LAMA2: variants seen among roughly 807,000 people sequenced by gnomAD.
LAMA2 encodes laminin subunit alpha 2, also known as laminin subunit alpha-2.
LAMA2 carries 269 observed loss-of-function variants against 364.8 expected under a neutral mutation model. The ratio of observed to expected loss-of-function variants is 0.74; its 90% CI spans 0.67 to 0.82. The LOEUF is 0.82. LAMA2 is among the 40% of genes least tolerant of loss of function. The pLI, the probability that LAMA2 is intolerant of heterozygous loss-of-function variation, is 0.00. For missense variants in LAMA2, 3,807 were observed against 3,873.2 expected (o/e 0.98, Z 0.45); for synonymous variants, 1,379 against 1,370.6 (o/e 1.01, Z -0.14).
chr6:129,396,261 A>G (rs1238075600), intron 37 of LAMA2, among the ~76,000 whole-genome samples: 1 of 152,228 alleles, frequency 6.6e-6, no homozygotes, highest in Non-Finnish European at 1.5e-5. Flanking sequence ...TCCTGGCCTC[A>G]AAGAATTTAC....
chr6:129,145,896 T>G (rs980101583), intron 5 of LAMA2, among the ~76,000 whole-genome samples: 3 of 151,948 alleles, frequency 2.0e-5, no homozygotes, highest in African/African-American at 7.2e-5. Context: ...TAAGCAAATA[T>G]CTCTATTTGT....
rs775603569 is a variant in LAMA2, at chr6:129,165,631, C to A, written c.1262C>A (p.Ser421Tyr). Reference sequence around the variant, plus strand: ...CCATGTCATTGCGATCCAATTGGTTCCTTAAATGAAGTCTGTGTCAAGGAT... The same window carrying A: ...CCATGTCATTGCGATCCAATTGGTTACTTAAATGAAGTCTGTGTCAAGGAT... Reference protein sequence around the residue: ...CQPCHCDPIGSLNEVCVKDEK... With the variant: ...CQPCHCDPIGYLNEVCVKDEK... The change falls in exon 9 of 65, where the codon TCC becomes TAC. Residue 421 changes from serine (S) to tyrosine (Y), a missense_variant. Ser to Tyr is a moderately radical substitution (Grantham distance 144). Coordinates refer to ENST00000421865, the MANE Select transcript of LAMA2 (RefSeq NM_000426.4). The A allele has an allele frequency of 1.9e-6, 3 of 1,613,286 alleles. No individual in the cohort carries two copies. The highest frequency in any genetic ancestry group is 3.3e-5 in the Admixed American group (2 of 59,914).
chr6:129,315,406 T>G, intron 24 of LAMA2, 70 bp from the exon 25 acceptor site: 3 of 1,381,628 alleles, frequency 2.2e-6, no homozygotes, highest in Non-Finnish European at 3.1e-6. Context: ...GACATGCAGT[T>G]CGTAACTTAG....
At chr6:129,226,033 A>G (rs1348754033) in intron 12 of LAMA2, among the ~76,000 whole-genome samples, 4 of 152,142 alleles carry the variant, frequency 2.6e-5, no homozygotes, top group Non-Finnish European at 5.9e-5. Flanking sequence ...TTGGGTGCAT[A>G]TATATTTAGG....
At chr6:129,271,484 T>C (rs1021363941) in intron 17 of LAMA2, among the ~76,000 whole-genome samples, 17 of 148,562 alleles carry the variant, frequency 1.1e-4, no homozygotes, top group Non-Finnish European at 2.4e-4. Flanking sequence ...TTTTTTTTTT[T>C]TTTGAGACAG....
chr6:129,164,586 A>G (rs994161586), intron 8 of LAMA2, among the ~76,000 whole-genome samples: 1 of 152,228 alleles, frequency 6.6e-6, no homozygotes, highest in Non-Finnish European at 1.5e-5. Flanking sequence ...TTACTTTCAT[A>G]CTTTGTTAGG....
intron 1 of LAMA2, among the ~76,000 whole-genome samples, chr6:128,995,159 G>A (rs2114668230): frequency 6.6e-6 from 1 of 152,228 alleles, no homozygotes; most frequent in Admixed American, 6.5e-5. Context: ...CTTATCATAT[G>A]ATATTCAACA....
chr6:128,934,131 A>T (rs890831780), intron 1 of LAMA2, among the ~76,000 whole-genome samples: 10 of 152,238 alleles, frequency 6.6e-5, no homozygotes, highest in Admixed American at 3.3e-4. Context: ...TAAGATAAAC[A>T]TCCAAAATCA....
At chr6:129,285,234 C>T (rs1789021546) in intron 18 of LAMA2, among the ~76,000 whole-genome samples, 1 of 152,150 alleles carries the variant, frequency 6.6e-6, no homozygotes, top group South Asian at 2.1e-4. Flanking sequence ...ATCTCTAATA[C>T]TGTTCTCTGT....
At chr6:129,146,824 T>C (rs1157732836) in intron 5 of LAMA2, 135 bp from the exon 6 acceptor site, 5 of 712,400 alleles carry the variant, frequency 7.0e-6, no homozygotes, top group African/African-American at 7.0e-5. Context: ...GAGTCCTCAC[T>C]TGTCCTCAAG....
intron 1 of LAMA2, among the ~76,000 whole-genome samples, chr6:128,958,452 A>G (rs1781285703): frequency 6.6e-6 from 1 of 152,138 alleles, no homozygotes; most frequent in South Asian, 2.1e-4. Context: ...TACAGTCGAA[A>G]CCCTACAATT....
At chr6:129,229,836 A>T (rs1784564712) in intron 12 of LAMA2, among the ~76,000 whole-genome samples, 1 of 152,200 alleles carries the variant, frequency 6.6e-6, no homozygotes, top group Non-Finnish European at 1.5e-5. Context: ...ATTGATTTAG[A>T]TGGGGAAGAC....
chr6:128,976,907 C>T lies in LAMA2; in HGVS notation c.113-73011C>T, dbSNP rs1782563910. Among the ~76,000 whole-genome samples the T allele has an allele frequency of 2.0e-5, 3 of 152,114 alleles. No individual in the cohort carries two copies. In the South Asian group the frequency reaches 6.2e-4, roughly 32 times the overall value. On this transcript the variant is annotated intron_variant, in intron 1 of 64. Transcript: ENST00000421865. ...CCATGTATGAACAAAGGTTACTGTT[C>T]CTGTCTTCTAAATTGGGGTTCCCAG...
chr6:129,062,823 T>G (rs374674478), intron 3 of LAMA2, among the ~76,000 whole-genome samples: 1 of 151,986 alleles, frequency 6.6e-6, no homozygotes, highest in East Asian at 1.9e-4. Flanking sequence ...AATGCTTGGC[T>G]CCTCTGTGAC....
chr6:129,434,326 G>T (rs188661719), intron 41 of LAMA2, among the ~76,000 whole-genome samples: 1 of 152,200 alleles, frequency 6.6e-6, no homozygotes, highest in East Asian at 1.9e-4. Context: ...CTCATTGTGA[G>T]TCCTGCTTTT....
chr6:129,069,843 A>G (rs1773193369), intron 3 of LAMA2, among the ~76,000 whole-genome samples: 1 of 107,960 alleles, frequency 9.3e-6, no homozygotes, highest in Non-Finnish European at 2.2e-5. Flanking sequence ...ATAATTATAT[A>G]CAATTATATT....
Position 129,365,446 on chromosome 6 carries a change from T to C in LAMA2, c.4718-773T>C, listed in dbSNP as rs1777710137. ...GGTGCAATCTTGGCTCACTGCAACC[T>C]CCGCCTCCCAGTTTCAAGTGATTCT... On this transcript the variant is annotated intron_variant, in intron 32 of 64. Coordinates refer to ENST00000421865, the MANE Select transcript of LAMA2 (RefSeq NM_000426.4). Among the ~76,000 whole-genome samples, 2 of 152,198 alleles carry C rather than the reference T, an allele frequency of 1.3e-5. 1 individual carries two copies. Among genetic ancestry groups the C allele is most frequent in the South Asian group, 4.1e-4 (2 of 4,826 alleles).
chr6:129,174,198 T>C (rs1161052930), intron 9 of LAMA2, among the ~76,000 whole-genome samples: 2 of 152,088 alleles, frequency 1.3e-5, no homozygotes, highest in Non-Finnish European at 2.9e-5. Context: ...AAAAATGTAT[T>C]TGTTTTCTTC....
chr6:129,239,396 C>A (rs1480434637), intron 12 of LAMA2, among the ~76,000 whole-genome samples: 1 of 152,158 alleles, frequency 6.6e-6, no homozygotes, highest in African/African-American at 2.4e-5. Context: ...TAAGCTTTAG[C>A]TCTAAAATTG....
Sources: allele counts gnomAD v4.1 joint callset (sites outside exome capture counted in the v4.1 genomes callset), GRCh38; gene constraint gnomAD v4.1.1; transcripts MANE v1.5; gene names NCBI Gene and HGNC (gene_info 2026-07-23, HGNC 2026-07-21).